PCDHGA2: variants seen among roughly 807,000 people sequenced by gnomAD.
PCDHGA2 encodes protocadherin gamma-A2.
PCDHGA2 carries 40 observed loss-of-function variants against 59.2 expected under a neutral mutation model. That is an observed-to-expected ratio of 0.68 (90% CI 0.52 to 0.88). The LOEUF (loss-of-function observed/expected upper bound fraction) is 0.88, where lower values mean the gene tolerates loss of function less well. PCDHGA2 is among the 40% of genes least tolerant of loss of function. The pLI, the probability that PCDHGA2 is intolerant of heterozygous loss-of-function variation, is 0.00. For synonymous variants in PCDHGA2, 560 were observed against 526.0 expected (o/e 1.06, Z -0.89); for missense variants, 1,226 against 1,204.0 (o/e 1.02, Z -0.27).
At chr5:141,422,279 C>T (rs1344316011) in intron 1 of PCDHGA2, 1 of 1,557,956 alleles carries the variant, frequency 6.4e-7, no homozygotes, top group Non-Finnish European at 8.6e-7. Context: ...ATAACTATCA[C>T]CTCTTCTATT....
intron 1 of PCDHGA2, chr5:141,403,288 CAG>C: frequency 6.2e-7 from 1 of 1,613,878 alleles, no homozygotes; most frequent in Admixed American, 1.7e-5. Context: ...TGGTTGAAGA[CAG>C]AGTGAAACTG....
At chr5:141,371,536 A>G (rs1767830265) in intron 1 of PCDHGA2, 4 of 1,613,810 alleles carry the variant, frequency 2.5e-6, no homozygotes, top group Non-Finnish European at 3.4e-6. Flanking sequence ...TTTAATGGAG[A>G]AATCCTATGC....
At chr5:141,357,342 C>G in intron 1 of PCDHGA2, 2 of 1,614,144 alleles carry the variant, frequency 1.2e-6, no homozygotes, top group Non-Finnish European at 1.7e-6. Flanking sequence ...TGCTAGCACT[C>G]AAGCTGAGAC....
chr5:141,465,966 C>CA (rs2099113454), intron 1 of PCDHGA2, among the ~76,000 whole-genome samples: 1 of 151,802 alleles, frequency 6.6e-6, no homozygotes, highest in Non-Finnish European at 1.5e-5. Flanking sequence ...ACTAAAAATA[C>CA]AAAAAATTAG....
At chr5:141,376,055 G>C in intron 1 of PCDHGA2, 2 of 1,613,350 alleles carry the variant, frequency 1.2e-6, no homozygotes, top group Non-Finnish European at 1.7e-6. Flanking sequence ...CTCCGCCACT[G>C]TCACGCTCAC....
rs777133589 is a variant in PCDHGA2, at chr5:141,390,020, C to G, written c.2424+48625C>G. The stretch of plus-strand genomic sequence containing the variant: ...CCATGATTCTGGCCATTGCCTTGCG[C>G]CTGCGACGCTCCTCCAGCCCCGCCT... On this transcript the variant is annotated intron_variant, in intron 1 of 3. Transcript: ENST00000394576. 4 of 1,613,930 alleles carry G rather than the reference C, an allele frequency of 2.5e-6. No homozygotes were observed. The African/African-American group carries it at 5.3e-5, about 22-fold the overall frequency.
At chr5:141,497,703 C>T (rs995815060) in intron 2 of PCDHGA2, among the ~76,000 whole-genome samples, 16 of 152,134 alleles carry the variant, frequency 1.1e-4, no homozygotes, top group African/African-American at 3.9e-4. Context: ...CCACACCCAG[C>T]TCATTTTTGT....
In PCDHGA2 at chr5:141,491,731, C is replaced by T. The variant is rs1198438920; in HGVS notation, c.2425-3076C>T. ...GGGCTCGGCGCCGCCCCGGGCGACC[C>T]CTGGGGGCGGCACTGGAGAAGCCGC... On this transcript the variant is annotated intron_variant, in intron 1 of 3. Coordinates refer to ENST00000394576, the MANE Select transcript of PCDHGA2 (RefSeq NM_018915.4). The surrounding 1 kb of genome is among the most constrained non-coding windows in gnomAD (Gnocchi z 6.9). 1 of 1,603,678 alleles carries T rather than the reference C, an allele frequency of 6.2e-7. No homozygotes were observed. Among genetic ancestry groups the T allele is most frequent in the Non-Finnish European group, 8.5e-7 (1 of 1,175,748 alleles).
intron 3 of PCDHGA2, among the ~76,000 whole-genome samples, chr5:141,509,429 T>G (rs2099876771): frequency 6.6e-6 from 1 of 151,964 alleles, no homozygotes; most frequent in Non-Finnish European, 1.5e-5. Context: ...TGAGTCAAAC[T>G]CTTGTTTCCT....
intron 1 of PCDHGA2, chr5:141,422,432 A>T: frequency 6.2e-7 from 1 of 1,609,448 alleles, no homozygotes; most frequent in South Asian, 1.1e-5. Context: ...TATGGAAATT[A>T]TTACAAATTG....
chr5:141,361,865 T>C (rs1588568656), intron 1 of PCDHGA2: 2 of 1,611,792 alleles, frequency 1.2e-6, no homozygotes, highest in East Asian at 2.2e-5. Flanking sequence ...CTCTTCGATA[T>C]GGTGCCACGC....
chr5:141,489,431 T>C lies in PCDHGA2; in HGVS notation c.2425-5376T>C. 6.2e-7 allele frequency: 1 copy of C among 1,614,132 alleles called. No individual in the cohort carries two copies. Among genetic ancestry groups the C allele is most frequent in the Non-Finnish European group, 8.5e-7 (1 of 1,180,024 alleles). On this transcript the variant is annotated intron_variant, in intron 1 of 3. Transcript: ENST00000394576. This position sits in a 1 kb window ranked among gnomAD's most constrained non-coding sequence, Gnocchi z 4.5. ...ATGACAGATCTGTTGAGCCGGCGGC[T>C]GCAATTGGGCTCTGAGGAGAATGGG...
At chr5:141,475,132 T>C (rs563015610) in intron 1 of PCDHGA2, among the ~76,000 whole-genome samples, 14 of 152,322 alleles carry the variant, frequency 9.2e-5, no homozygotes, top group African/African-American at 2.6e-4. Context: ...TTTTTTCTTT[T>C]TGAAATCTTC....
chr5:141,383,949 G>A (rs538018556), intron 1 of PCDHGA2: 18 of 1,613,702 alleles, frequency 1.1e-5, no homozygotes, highest in Non-Finnish European at 1.3e-5. Flanking sequence ...TGACTATGAC[G>A]TCTTTAAGTA....
rs745593461 is a variant in PCDHGA2, at chr5:141,340,417, C to T, written c.1446C>T (p.Asn482=). The change falls in exon 1 of 4, where the codon AAC becomes AAT. Residue 482 remains asparagine (N), a synonymous_variant. Coordinates refer to ENST00000394576, the MANE Select transcript of PCDHGA2 (RefSeq NM_018915.4). ...FSVTAHDPDS[N]DNAHVTYSFA... ...TGACGGCCCATGACCCCGACAGCAA[C>T]GACAATGCTCATGTAACTTACTCTT... 2 of 1,614,196 alleles carry T rather than the reference C, an allele frequency of 1.2e-6. No homozygotes were observed. Among genetic ancestry groups the T allele is most frequent in the East Asian group, 2.2e-5 (1 of 44,880 alleles).
rs769034523 is a variant in PCDHGA2, at chr5:141,339,800, G to C, written c.829G>C (p.Val277Leu). The change falls in exon 1 of 4, where the codon GTG becomes CTG. Residue 277 changes from valine (V) to leucine (L), a missense_variant. By Grantham distance (32) the Val-to-Leu change is conservative (BLOSUM62 1). Transcript: ENST00000394576. ...TDADEGYYAQ[V>L]VYFLEKSPGE... ...CGCAGATGAGGGCTACTACGCTCAA[G>C]TGGTATATTTTCTAGAGAAAAGCCC... The C allele has an allele frequency of 2.3e-5, 37 of 1,614,112 alleles. No homozygotes were observed. Among genetic ancestry groups the C allele is most frequent in the Non-Finnish European group, 3.1e-5 (36 of 1,180,048 alleles).
intron 1 of PCDHGA2, among the ~76,000 whole-genome samples, chr5:141,457,440 A>G (rs188608086): frequency 3.9e-5 from 6 of 152,334 alleles, no homozygotes; most frequent in Non-Finnish European, 8.8e-5. Flanking sequence ...ACCAAGCTGC[A>G]GAAGATCACC....
At chr5:141,371,256 G>A in intron 1 of PCDHGA2, 2 of 1,614,052 alleles carry the variant, frequency 1.2e-6, no homozygotes, top group East Asian at 2.2e-5. Context: ...TGGCAAGGAA[G>A]TGAGACAACT....
Position 141,340,219 on chromosome 5 carries a change from C to A in PCDHGA2, c.1248C>A (p.Ser416=). 1 of 1,614,152 alleles carries A rather than the reference C, an allele frequency of 6.2e-7. No individual in the cohort carries two copies. Among genetic ancestry groups the A allele is most frequent in the Non-Finnish European group, 8.5e-7 (1 of 1,180,022 alleles). The stretch of plus-strand genomic sequence containing the variant: ...GAGCCCTTGACAGGGAACAGTTTTC[C>A]TTTTACAACATCACTCTAACCGCTA... ...TTRALDREQF[S]FYNITLTAKD... is the part of the protein sequence containing the mutation. The change falls in exon 1 of 4, where the codon TCC becomes TCA. Residue 416 remains serine, a synonymous_variant. Coordinates refer to ENST00000394576, the MANE Select transcript of PCDHGA2 (RefSeq NM_018915.4).
Sources: allele counts gnomAD v4.1 joint callset (sites outside exome capture counted in the v4.1 genomes callset), GRCh38; gene constraint gnomAD v4.1.1; non-coding constraint Gnocchi (gnomAD v3.1); transcripts MANE v1.5; gene names NCBI Gene and HGNC (gene_info 2026-07-23, HGNC 2026-07-21).